Variants in LTBP1 observed in about 807,000 individuals in gnomAD.
The protein encoded by LTBP1 is latent transforming growth factor beta binding protein 1, also known as latent-transforming growth factor beta-binding protein 1.
In LTBP1, 129 loss-of-function variants were observed where a neutral mutation model predicts 207.6. That is an observed-to-expected ratio of 0.62 (90% CI 0.54 to 0.72). The LOEUF (loss-of-function observed/expected upper bound fraction) is 0.72, where lower values mean the gene tolerates loss of function less well. Among genes scored for constraint, LTBP1 ranks in the 30% least tolerant of loss-of-function variants. The pLI, the probability that LTBP1 is intolerant of heterozygous loss-of-function variation, is 0.00. For missense variants in LTBP1, 2,281 were observed against 2,217.2 expected (o/e 1.03, Z -0.58); for synonymous variants, 963 against 833.7 (o/e 1.16, Z -2.67).
intron 5 of LTBP1, among the ~76,000 whole-genome samples, chr2:33,175,424 C>T (rs1354202339): frequency 2.6e-5 from 4 of 151,932 alleles, no homozygotes; most frequent in African/African-American, 9.7e-5. Context: ...CACTGGCCAT[C>T]AGAGAAATGC....
chr2:32,985,389 A>G (rs1683395005), intron 2 of LTBP1, among the ~76,000 whole-genome samples: 1 of 152,178 alleles, frequency 6.6e-6, no homozygotes. Flanking sequence ...TCGATGAGGA[A>G]ACTGAGGTTT....
At chr2:33,033,988 C>G (rs190096101) in intron 3 of LTBP1, among the ~76,000 whole-genome samples, 2 of 152,256 alleles carry the variant, frequency 1.3e-5, no homozygotes, top group Non-Finnish European at 2.9e-5. Context: ...GCCCTAACCC[C>G]CTCCCCGGCT....
intron 5 of LTBP1, among the ~76,000 whole-genome samples, chr2:33,186,483 A>G (rs896185096): frequency 1.3e-5 from 2 of 150,918 alleles, no homozygotes; most frequent in African/African-American, 5.0e-5. Flanking sequence ...CGAGGAGTTT[A>G]TCATCTAGGG....
intron 5 of LTBP1, among the ~76,000 whole-genome samples, chr2:33,153,499 T>G (rs1284298536): frequency 1.3e-5 from 2 of 152,114 alleles, no homozygotes; most frequent in African/African-American, 4.8e-5. Flanking sequence ...AATGAGAGCC[T>G]GCAAGCCTTA....
At chr2:33,298,439 G>A (rs183570697) in intron 20 of LTBP1, among the ~76,000 whole-genome samples, 34 of 152,302 alleles carry the variant, frequency 2.2e-4, no homozygotes, top group African/African-American at 7.9e-4. Flanking sequence ...TTAATTTGTT[G>A]TCTTCTATGA....
At chr2:33,030,138 C>T (rs1331802631) in intron 3 of LTBP1, among the ~76,000 whole-genome samples, 4 of 152,178 alleles carry the variant, frequency 2.6e-5, no homozygotes, top group African/African-American at 4.8e-5. Context: ...GGACAGCATT[C>T]GAAGTGAGGC....
chr2:33,184,781 G>GTTTTTTTTTT (rs34063170), intron 5 of LTBP1, among the ~76,000 whole-genome samples: 1 of 136,384 alleles, frequency 7.3e-6, no homozygotes. Context: ...AGTATTTTCT[G>GTTTTTTTTTT]TTTTTTTTTT....
chr2:33,174,418 A>G (rs1317765989), intron 5 of LTBP1, among the ~76,000 whole-genome samples: 2 of 152,204 alleles, frequency 1.3e-5, no homozygotes, highest in African/African-American at 2.4e-5. Flanking sequence ...TGCTTCCAAG[A>G]TAATAAAATA....
rs1333740460 is a variant in LTBP1 at position 33,001,829 on chromosome 2, G to A, written c.566-19080G>A. Among the ~76,000 whole-genome samples the A allele has an allele frequency of 1.5e-5, 2 of 135,236 alleles. 1 individual carries two copies. Among genetic ancestry groups the A allele is most frequent in the Non-Finnish European group, 3.3e-5 (2 of 61,466 alleles). The allele number at this position is 135,236 out of a possible 152,430, so 88.7% of individuals were successfully genotyped here. On this transcript the variant is annotated intron_variant, in intron 2 of 33. Transcript: ENST00000404816. The stretch of plus-strand genomic sequence containing the variant: ...TGTGACAAGTCATTGCTGAACATTG[G>A]TTACCATAAAGGCAAATATTTTGTC...
Position 33,300,662 on chromosome 2 carries a change from T to G in LTBP1, c.3358+89T>G, listed in dbSNP as rs796233752. The G allele has an allele frequency of 4.3e-5, 58 of 1,352,394 alleles. No individual in the cohort carries two copies. The African/African-American group carries it at 7.9e-4, about 18-fold the overall frequency. The allele number at this position is 1,352,394 out of a possible 1,614,324, so 83.8% of individuals were successfully genotyped here. On this transcript the variant is annotated intron_variant, in intron 21 of 33. Coordinates refer to ENST00000404816, the MANE Select transcript of LTBP1 (RefSeq NM_206943.4). ...CGCTCAATCAAGTGAGTTTACCTTT[T>G]AAAAATTACCCAGATAATTGCATTA... is the stretch of plus-strand genomic sequence containing the variant.
chr2:32,975,059 A>C (rs752134955), intron 2 of LTBP1, among the ~76,000 whole-genome samples: 11 of 152,304 alleles, frequency 7.2e-5, no homozygotes, highest in Non-Finnish European at 1.5e-4. Flanking sequence ...GACCTCTTGT[A>C]AGGCTGGTCT....
At chr2:33,073,923 T>C (rs1214259166) in intron 3 of LTBP1, among the ~76,000 whole-genome samples, 3 of 152,120 alleles carry the variant, frequency 2.0e-5, no homozygotes, top group Non-Finnish European at 4.4e-5. Context: ...CACTGTGAGT[T>C]TCCCATTTTT....
intron 7 of LTBP1, among the ~76,000 whole-genome samples, chr2:33,207,336 C>T (rs185382249): frequency 6.6e-6 from 1 of 152,206 alleles, no homozygotes; most frequent in East Asian, 1.9e-4. Flanking sequence ...TAAACAAATA[C>T]ACTGTCAGAA....
intron 2 of LTBP1, among the ~76,000 whole-genome samples, chr2:33,008,002 C>G (rs962831002): frequency 6.6e-6 from 1 of 152,326 alleles, no homozygotes; most frequent in South Asian, 2.1e-4. Context: ...ATATGACACT[C>G]GCTAATCAAA....
At chr2:33,352,401 A>G (rs1346334686) in intron 26 of LTBP1, among the ~76,000 whole-genome samples, 1 of 152,148 alleles carries the variant, frequency 6.6e-6, no homozygotes, top group Non-Finnish European at 1.5e-5. Context: ...AAGTGCTGCA[A>G]TTACAGGCAT....
At chr2:32,981,982 G>A (rs1232856755) in intron 2 of LTBP1, among the ~76,000 whole-genome samples, 7 of 152,196 alleles carry the variant, frequency 4.6e-5, no homozygotes, top group African/African-American at 1.7e-4. Flanking sequence ...GTAGAGTGGG[G>A]TGCTGCTCTA....
At chr2:33,298,615 C>G (rs560135478) in intron 20 of LTBP1, among the ~76,000 whole-genome samples, 1 of 152,128 alleles carries the variant, frequency 6.6e-6, no homozygotes, top group Non-Finnish European at 1.5e-5. Flanking sequence ...TTGCTGGCAA[C>G]CATTCCTAAA....
intron 31 of LTBP1, among the ~76,000 whole-genome samples, chr2:33,371,410 G>A (rs1032369113): frequency 4.6e-5 from 7 of 152,138 alleles, no homozygotes; most frequent in Non-Finnish European, 1.0e-4. Flanking sequence ...CCTCAAATTT[G>A]TGGTCTTTAT....
chr2:33,093,054 C>T (rs746738398), intron 3 of LTBP1, among the ~76,000 whole-genome samples: 1 of 152,156 alleles, frequency 6.6e-6, no homozygotes, highest in Non-Finnish European at 1.5e-5. Flanking sequence ...AGAGACCACC[C>T]CACAGAGCAT....
Sources: allele counts gnomAD v4.1 joint callset (sites outside exome capture counted in the v4.1 genomes callset), GRCh38; gene constraint gnomAD v4.1.1; transcripts MANE v1.5; gene names NCBI Gene and HGNC (gene_info 2026-07-23, HGNC 2026-07-21).